Variants in MCF2L2 observed in about 807,000 individuals in gnomAD.
MCF2L2 encodes the protein probable guanine nucleotide exchange factor MCF2L2.
A neutral mutation model predicts 150.2 loss-of-function variants in MCF2L2; 102 were observed. That is an observed-to-expected ratio of 0.68 (90% CI 0.58 to 0.80). MCF2L2 has a LOEUF of 0.80. Ranked by LOEUF, MCF2L2 falls within the 30% of genes least tolerant of loss-of-function variation. MCF2L2 has a pLI of 0.00. For missense variants in MCF2L2, 1,256 were observed against 1,372.8 expected, an observed-to-expected ratio of 0.91 and a Z score of 1.34; for synonymous variants, 465 against 491.3, an observed-to-expected ratio of 0.95 and a Z score of 0.71.
At chr3:183,284,984 CT>C (rs1459316173) in intron 14 of MCF2L2, among the ~76,000 whole-genome samples, 4 of 152,184 alleles carry the variant, frequency 2.6e-5, no homozygotes, top group Admixed American at 2.0e-4. Flanking sequence ...AAATAGTTTT[CT>C]TGTTGAGAAT....
chr3:183,413,149 C>A lies in MCF2L2; in HGVS notation c.76+14753G>T, dbSNP rs116715349. Among the ~76,000 whole-genome samples the A allele has an allele frequency of 2.7e-3, 416 of 152,196 alleles. 3 individuals carry two copies. Among genetic ancestry groups the A allele is most frequent in the Non-Finnish European group, 4.3e-3 (290 of 68,010 alleles). On this transcript the variant is annotated intron_variant, in intron 1 of 29. Coordinates refer to ENST00000328913, the MANE Select transcript of MCF2L2 (RefSeq NM_015078.4). Reference sequence around the variant, plus strand: ...AGAACTTTGTTGAGCCTTTTTGTATCTATAGTTGACCTTTGAACAATGTAG... The same window carrying A: ...AGAACTTTGTTGAGCCTTTTTGTATATATAGTTGACCTTTGAACAATGTAG...
At chr3:183,330,022 C>A (rs1730202809) in intron 5 of MCF2L2, among the ~76,000 whole-genome samples, 1 of 151,672 alleles carries the variant, frequency 6.6e-6, no homozygotes, top group African/African-American at 2.4e-5. Context: ...ATCGTTTGAG[C>A]CCAGGAGTTC....
chr3:183,196,639 C>G (rs1426194254), intron 25 of MCF2L2, among the ~76,000 whole-genome samples: 1 of 152,172 alleles, frequency 6.6e-6, no homozygotes, highest in African/African-American at 2.4e-5. Flanking sequence ...CCATTTGCAT[C>G]ACTCACAGAG....
At position 183,427,962 on chromosome 3, in the gene MCF2L2, T is replaced by C. The variant is rs959991069; in HGVS notation, c.16A>G (p.Lys6Glu). Residue 6 changes from lysine to glutamate, a missense_variant, in exon 1 of 30, where the codon AAA (lysine) becomes GAA (glutamate). Lys to Glu is a moderately conservative substitution (Grantham distance 56). Coordinates refer to ENST00000328913, the MANE Select transcript of MCF2L2 (RefSeq NM_015078.4). ...AGCTCCTGGGGAGGCATCTCTTCTT[T>C]TAAGCAAGACAGCATTTCACTGAAA... MLSCL[K>E]EEMPPQELTR... 6.2e-7 allele frequency: 1 copy of C among 1,612,972 alleles called. No homozygotes were observed. The highest frequency in any genetic ancestry group is 1.3e-5 in the African/African-American group (1 of 74,910).
At chr3:183,212,430 G>A (rs900896392) in intron 22 of MCF2L2, among the ~76,000 whole-genome samples, 3 of 152,178 alleles carry the variant, frequency 2.0e-5, no homozygotes, top group East Asian at 1.9e-4. Flanking sequence ...TCAAATGAGC[G>A]AGCGATAAGT....
At chr3:183,180,377 C>A (rs115443587) in intron 27 of MCF2L2, 6,339 of 509,640 alleles carry the variant, frequency 0.012, 62 homozygotes, top group South Asian at 0.02. Context: ...CGAGAAGGCG[C>A]GTCCACATGC....
rs1304654849 is a variant in MCF2L2, at chr3:183,336,241, T to C, written c.486+2559A>G. Among the ~76,000 whole-genome samples, 3 of 152,130 alleles carry C rather than the reference T, an allele frequency of 2.0e-5. No individual in the cohort carries two copies. The East Asian group carries it at 5.8e-4, about 29-fold the overall frequency. On this transcript the variant is annotated intron_variant, in intron 5 of 29. Coordinates refer to ENST00000328913, the MANE Select transcript of MCF2L2 (RefSeq NM_015078.4). ...TGTATATATATATCATATAAGTATA[T>C]ATAGAGAGAAGCAAATGATAAGAAA... is the stretch of plus-strand genomic sequence containing the variant.
intron 3 of MCF2L2, among the ~76,000 whole-genome samples, chr3:183,344,047 G>A (rs571113421): frequency 1.2e-4 from 18 of 152,046 alleles, no homozygotes; most frequent in East Asian, 9.7e-4. Context: ...GTGTGTGCCC[G>A]TAGTCTCAGC....
intron 10 of MCF2L2, among the ~76,000 whole-genome samples, chr3:183,302,085 C>T (rs74890363): frequency 0.25 from 38,495 of 152,040 alleles, 5,257 homozygotes; most frequent in Non-Finnish European, 0.3. Flanking sequence ...CTCTAATGAG[C>T]TCCCCTGGTA....
chr3:183,403,023 G>A (rs1395817470), intron 1 of MCF2L2, among the ~76,000 whole-genome samples: 1 of 152,104 alleles, frequency 6.6e-6, no homozygotes, highest in Non-Finnish European at 1.5e-5. Flanking sequence ...GCTCATCCCT[G>A]TAATCCCAGC....
At chr3:183,318,542 G>A (rs569271796) in intron 6 of MCF2L2, among the ~76,000 whole-genome samples, 1 of 152,240 alleles carries the variant, frequency 6.6e-6, no homozygotes, top group African/African-American at 2.4e-5. Flanking sequence ...GTTCAAAGAG[G>A]TGACACCCAG....
At chr3:183,410,355 C>A (rs1715260618) in intron 1 of MCF2L2, among the ~76,000 whole-genome samples, 1 of 152,202 alleles carries the variant, frequency 6.6e-6, no homozygotes, top group Non-Finnish European at 1.5e-5. Flanking sequence ...GGGCCTTGAA[C>A]TCCCCTCCAG....
chr3:183,377,676 T>A (rs1184028169), intron 3 of MCF2L2: 1 of 151,964 alleles, frequency 6.6e-6, no homozygotes, highest in African/African-American at 2.4e-5. Flanking sequence ...TCTGTGGAAA[T>A]TTAAAAAAAG....
Position 183,215,969 on chromosome 3 carries a change from C to T in MCF2L2, c.2496G>A (p.Pro832=), listed in dbSNP as rs770215135. The T allele has an allele frequency of 1.3e-5, 21 of 1,612,714 alleles. No individual in the cohort carries two copies. Among genetic ancestry groups the T allele is most frequent in the Admixed American group, 3.3e-5 (2 of 59,870 alleles). Residue 832 remains proline, a splice_region_variant and synonymous_variant, in exon 22 of 30, where the codon CCG becomes CCA. Coordinates refer to ENST00000328913, the MANE Select transcript of MCF2L2 (RefSeq NM_015078.4). ...GCTCTAACACTACTATGGAACATAC[C>T]GGACATTCAGTCACTGCTGCTAGGT... ...AVDLAAVTEC[P]DDIGKLGKLL...
intron 14 of MCF2L2, among the ~76,000 whole-genome samples, chr3:183,278,638 G>A (rs1243520693): frequency 6.6e-6 from 1 of 152,170 alleles, no homozygotes; most frequent in Non-Finnish European, 1.5e-5. Context: ...CCTTCATAAA[G>A]AGTGACCATT....
intron 10 of MCF2L2, among the ~76,000 whole-genome samples, chr3:183,303,416 C>T (rs909348433): frequency 6.6e-6 from 1 of 152,266 alleles, no homozygotes; most frequent in Non-Finnish European, 1.5e-5. Flanking sequence ...AGCCCATGAG[C>T]CCCCTTGCCA....
At chr3:183,194,167 C>T (rs945912707) in intron 26 of MCF2L2, among the ~76,000 whole-genome samples, 2 of 152,296 alleles carry the variant, frequency 1.3e-5, no homozygotes, top group South Asian at 2.1e-4. Flanking sequence ...CCACTTCTCT[C>T]ATCTTTCTGG....
chr3:183,415,852 T>C (rs1715561105), intron 1 of MCF2L2, among the ~76,000 whole-genome samples: 1 of 152,194 alleles, frequency 6.6e-6, no homozygotes, highest in Admixed American at 6.5e-5. Flanking sequence ...TGCCTTTTGA[T>C]TGGATCATTT....
chr3:183,375,746 A>G (rs960122563), intron 3 of MCF2L2: 5 of 152,320 alleles, frequency 3.3e-5, no homozygotes, highest in Admixed American at 1.3e-4. Flanking sequence ...TAGTGTATCA[A>G]TTCTTTTTTA....
Sources: gnomAD v4.1 joint callset for allele counts (sites outside exome capture counted in the v4.1 genomes callset) on GRCh38, gnomAD v4.1.1 for gene constraint, MANE v1.5 for transcripts, NCBI Gene and HGNC (gene_info 2026-07-23, HGNC 2026-07-21) for gene names.